The following GALNT13 variants were observed in gnomAD, a reference collection of about 807,000 sequenced individuals.
GALNT13 encodes UDP-GalNAc:polypeptide N-acetylgalactosaminyltransferase 13.
GALNT13 carries 28 observed loss-of-function variants against 64.2 expected under a neutral mutation model. The ratio of observed to expected loss-of-function variants is 0.44; its 90% confidence interval spans 0.32 to 0.60. GALNT13 has a LOEUF of 0.60. GALNT13 is among the 20% of genes least tolerant of loss of function. The pLI is 0.05. For synonymous variants in GALNT13, 214 were observed against 224.6 expected (o/e 0.95, Z 0.42); for missense variants, 577 against 669.8 (o/e 0.86, Z 1.53).
chr2:153,770,594 C>T, the GALNT13 span, among the ~76,000 whole-genome samples: 3 of 152,234 alleles, frequency 2.0e-5, no homozygotes, highest in Admixed American at 1.3e-4. Context: ...GAACTTCTCC[C>T]AGTAAACAAG....
At chr2:153,307,640 T>A in the GALNT13 span, among the ~76,000 whole-genome samples, 510 of 152,220 alleles carry the variant, frequency 3.4e-3, 1 homozygote, top group African/African-American at 0.011. Flanking sequence ...ATGCTACAAT[T>A]TATATAGAAA....
intron 8 of GALNT13, among the ~76,000 whole-genome samples, chr2:154,296,585 T>C (rs555452354): frequency 5.3e-4 from 81 of 152,266 alleles, no homozygotes; most frequent in African/African-American, 1.9e-3. Flanking sequence ...TCTTCTGAAA[T>C]TGGAGCACCT....
chr2:153,827,680 C>T, the GALNT13 span, among the ~76,000 whole-genome samples: 2 of 151,246 alleles, frequency 1.3e-5, no homozygotes, highest in East Asian at 1.9e-4. Flanking sequence ...TATATCATTC[C>T]ACCCCAGCTC....
chr2:154,085,027 CT>C (rs1444357059), intron 3 of GALNT13, among the ~76,000 whole-genome samples: 4 of 151,812 alleles, frequency 2.6e-5, no homozygotes, highest in Non-Finnish European at 4.4e-5. Flanking sequence ...AGAAGTTTTT[CT>C]GTAATGAATA....
chr2:153,783,392 G>A, the GALNT13 span, among the ~76,000 whole-genome samples: 1,226 of 146,188 alleles, frequency 8.4e-3, 8 homozygotes, highest in South Asian at 0.015. Context: ...AGAGATTTCT[G>A]TTTTTGTTTT....
chr2:153,651,155 G>A, the GALNT13 span, among the ~76,000 whole-genome samples: 298 of 149,172 alleles, frequency 2.0e-3, no homozygotes, highest in African/African-American at 5.7e-3. Context: ...TTAAGTATTC[G>A]TACCACAATA....
chr2:153,561,127 T>G, the GALNT13 span, among the ~76,000 whole-genome samples: 1 of 152,030 alleles, frequency 6.6e-6, no homozygotes, highest in Non-Finnish European at 1.5e-5. Context: ...GTTAATTATA[T>G]TTCTAGCCAG....
the GALNT13 span, among the ~76,000 whole-genome samples, chr2:153,336,241 G>A: frequency 1.3e-5 from 2 of 151,868 alleles, no homozygotes; most frequent in African/African-American, 4.9e-5. Flanking sequence ...TAGTGGAGCT[G>A]TGGGAAGAGG....
chr2:153,277,924 TTTC>T, the GALNT13 span, among the ~76,000 whole-genome samples: 28 of 32,038 alleles, frequency 8.7e-4, 5 homozygotes, highest in African/African-American at 2.5e-3. Context: ...TTTTCTTTTC[TTTC>T]TTTTTTTTTT....
At chr2:153,562,388 A>T in the GALNT13 span, among the ~76,000 whole-genome samples, 1 of 150,992 alleles carries the variant, frequency 6.6e-6, no homozygotes, top group Non-Finnish European at 1.5e-5. Flanking sequence ...AGTGACAATC[A>T]CTTACACCAA....
the GALNT13 span, among the ~76,000 whole-genome samples, chr2:153,435,821 C>T: frequency 6.6e-6 from 1 of 151,976 alleles, no homozygotes; most frequent in Non-Finnish European, 1.5e-5. Context: ...CCCTTTATTT[C>T]CTTCTCCTGC....
the GALNT13 span, among the ~76,000 whole-genome samples, chr2:153,425,508 C>T: frequency 2.0e-5 from 3 of 151,620 alleles, no homozygotes; most frequent in East Asian, 5.8e-4. Flanking sequence ...ACACAGGAAA[C>T]TGATAAATGT....
the GALNT13 span, among the ~76,000 whole-genome samples, chr2:153,718,585 C>T: frequency 6.6e-6 from 1 of 152,080 alleles, no homozygotes; most frequent in East Asian, 1.9e-4. Flanking sequence ...TTCTGGTGGC[C>T]CACAAGTCAC....
intron 3 of GALNT13, among the ~76,000 whole-genome samples, chr2:154,077,988 T>A (rs936964773): frequency 6.6e-6 from 1 of 151,498 alleles, no homozygotes; most frequent in Admixed American, 6.6e-5. Context: ...TAATCATGTA[T>A]CAGATTAACA....
chr2:153,722,687 T>G, the GALNT13 span, among the ~76,000 whole-genome samples: 1 of 152,086 alleles, frequency 6.6e-6, no homozygotes, highest in South Asian at 2.1e-4. Flanking sequence ...TCTGTGCAAA[T>G]AAACTAGAAA....
intron 4 of GALNT13, among the ~76,000 whole-genome samples, chr2:154,143,925 A>G (rs1289909499): frequency 6.6e-6 from 1 of 152,020 alleles, no homozygotes; most frequent in African/African-American, 2.4e-5. Context: ...ACTCTAAGAA[A>G]AAAAGGATCC....
chr2:153,447,739 C>A, the GALNT13 span, among the ~76,000 whole-genome samples: 2 of 152,042 alleles, frequency 1.3e-5, no homozygotes, highest in African/African-American at 4.8e-5. Flanking sequence ...TAAATTATGA[C>A]CTAACTAGCA....
intron 4 of GALNT13, among the ~76,000 whole-genome samples, chr2:154,170,559 G>T (rs1685292405): frequency 6.6e-6 from 1 of 152,072 alleles, no homozygotes; most frequent in Non-Finnish European, 1.5e-5. Context: ...AAATTACATT[G>T]TTATCCTAAT....
At chr2:153,697,500 T>C in the GALNT13 span, among the ~76,000 whole-genome samples, 1 of 151,944 alleles carries the variant, frequency 6.6e-6, no homozygotes, top group African/African-American at 2.4e-5. Flanking sequence ...AGAAAAAAAA[T>C]GGAGAACTGG....
Sources: allele counts gnomAD v4.1 joint callset (sites outside exome capture counted in the v4.1 genomes callset), GRCh38; gene constraint gnomAD v4.1.1; transcripts MANE v1.5; gene names NCBI Gene and HGNC (gene_info 2026-07-23, HGNC 2026-07-21).